The following DGKH variants were observed in gnomAD, a reference collection of about 807,000 sequenced individuals.
DGKH encodes the protein DAG kinase eta.
In DGKH, 90 loss-of-function variants were observed where a neutral mutation model predicts 159.3. The observed-to-expected ratio is 0.57, with a 90% CI of 0.48 to 0.67. The LOEUF (loss-of-function observed/expected upper bound fraction) is 0.67, where lower values mean the gene tolerates loss of function less well. DGKH is among the 30% of genes least tolerant of loss of function. The probability of loss-of-function intolerance (pLI) is 0.00; values close to 1 mark genes in which losing one functional copy is unlikely to be tolerated. For missense variants in DGKH, 1,181 were observed against 1,506.1 expected (o/e 0.78, Z 3.57); for synonymous variants, 536 against 553.8 (o/e 0.97, Z 0.45).
At chr13:42,180,384 C>T (rs1301545505) in intron 13 of DGKH, among the ~76,000 whole-genome samples, 3 of 152,172 alleles carry the variant, frequency 2.0e-5, no homozygotes, top group East Asian at 1.9e-4. Flanking sequence ...TTCCATTCAG[C>T]GTTTTTTCTA....
intron 1 of DGKH, among the ~76,000 whole-genome samples, chr13:42,094,368 C>T (rs1954480598): frequency 6.6e-6 from 1 of 152,178 alleles, no homozygotes; most frequent in African/African-American, 2.4e-5. Flanking sequence ...AACTTTGACT[C>T]AAACTTGTTA....
At chr13:42,192,858 C>T (rs1198812331) in intron 16 of DGKH, among the ~76,000 whole-genome samples, 1 of 152,074 alleles carries the variant, frequency 6.6e-6, no homozygotes, top group Admixed American at 6.5e-5. Flanking sequence ...ATGTGATGCA[C>T]CATTTTAAAC....
intron 5 of DGKH, 58 bp from the exon 6 acceptor site, chr13:42,159,208 G>A (rs1956114149): frequency 1.1e-6 from 1 of 879,232 alleles, no homozygotes; most frequent in African/African-American, 2.0e-5. Flanking sequence ...TTTAATCATT[G>A]GTCCAAAATT....
intron 1 of DGKH, among the ~76,000 whole-genome samples, chr13:42,074,744 T>TA (rs1883195165): frequency 1.3e-5 from 2 of 152,134 alleles, no homozygotes; most frequent in African/African-American, 2.4e-5. Context: ...GTGCTGGACT[T>TA]ACAAAGACTA....
intron 1 of DGKH, among the ~76,000 whole-genome samples, chr13:42,110,752 G>T (rs1378637391): frequency 1.3e-5 from 2 of 148,964 alleles, no homozygotes; most frequent in African/African-American, 2.5e-5. Context: ...TAGCACCACT[G>T]CCACCTTGTG....
intron 1 of DGKH, chr13:42,070,598 C>G (rs1882898353): frequency 6.2e-7 from 1 of 1,602,662 alleles, no homozygotes; most frequent in African/African-American, 1.3e-5. Flanking sequence ...ATCTTCAGCA[C>G]CAAGTCTTCA....
chr13:42,178,321 A>G lies in DGKH; in HGVS notation c.1538+101A>G, dbSNP rs74406236. Reference sequence around the variant, plus strand: ...TTTGTGAGTTTTCTTCTCAAAAAATATCTTGGAAGTAGCTTATAAAATTAG... The same window carrying G: ...TTTGTGAGTTTTCTTCTCAAAAAATGTCTTGGAAGTAGCTTATAAAATTAG... On this transcript the variant is annotated intron_variant, in intron 13 of 29. Coordinates refer to ENST00000337343, the MANE Select transcript of DGKH (RefSeq NM_178009.5). 4.3e-3 allele frequency: 3,718 copies of G among 866,082 alleles called. 80 individuals are homozygous for G. The African/African-American group carries it at 0.049, about 12-fold the overall frequency. 53.6% of individuals were successfully genotyped at this position (866,082 alleles called of 1,614,324 possible). A position where few individuals can be genotyped will look rare whatever the true frequency, so the allele number is the denominator to read the frequency against.
intron 20 of DGKH, among the ~76,000 whole-genome samples, chr13:42,204,686 C>T (rs779539298): frequency 1.2e-4 from 18 of 152,200 alleles, no homozygotes; most frequent in Non-Finnish European, 1.6e-4. Flanking sequence ...AAGTCCCTTA[C>T]GGGTTGGTCT....
At chr13:42,043,127 C>T (rs1880611111) in intron 1 of DGKH, among the ~76,000 whole-genome samples, 1 of 152,054 alleles carries the variant, frequency 6.6e-6, no homozygotes, top group Non-Finnish European at 1.5e-5. Flanking sequence ...AAGCTATGGA[C>T]CCTTTTTCCC....
intron 1 of DGKH, among the ~76,000 whole-genome samples, chr13:42,078,245 T>C (rs977678205): frequency 6.6e-6 from 1 of 152,164 alleles, no homozygotes; most frequent in African/African-American, 2.4e-5. Context: ...CTTAAAAAAT[T>C]CCTGAGAGGT....
At chr13:42,211,358 C>T (rs762545410) in intron 24 of DGKH, among the ~76,000 whole-genome samples, 15 of 152,108 alleles carry the variant, frequency 9.9e-5, no homozygotes, top group Non-Finnish European at 2.1e-4. Flanking sequence ...AGTCCATTTT[C>T]ATATGGCTAT....
In DGKH at chr13:42,238,540, A is replaced by G. The variant is rs112191987; in HGVS notation, c.*9352A>G. 1.3e-5 allele frequency: 2 copies of G among 152,152 alleles called. No homozygotes were observed. Among genetic ancestry groups the G allele is most frequent in the African/African-American group, 4.8e-5 (2 of 41,436 alleles). The allele number at this position is 152,152 out of a possible 1,614,324, so 9.4% of individuals were successfully genotyped here. ...TTAGTTTAACTCCCCAAAGAGGAAA[A>G]TGTCTCTTTAAACCAGTAGTTAAAA... On this transcript the variant is annotated 3_prime_UTR_variant, in exon 30 of 30. Coordinates refer to ENST00000337343, the MANE Select transcript of DGKH (RefSeq NM_178009.5).
chr13:42,126,261 TG>T (rs1310640207), intron 1 of DGKH, among the ~76,000 whole-genome samples: 1 of 152,044 alleles, frequency 6.6e-6, no homozygotes, highest in Non-Finnish European at 1.5e-5. Flanking sequence ...AAGTACTTCG[TG>T]GGGTGGGTAA....
intron 29 of DGKH, 30 bp from the exon 30 acceptor site, chr13:42,229,069 T>C (rs1958222504): frequency 6.4e-7 from 1 of 1,565,498 alleles, no homozygotes; most frequent in Non-Finnish European, 8.7e-7. Flanking sequence ...TTTTTAATTA[T>C]TTCTACCTTT....
At chr13:42,196,507 TG>T (rs774340179) in intron 17 of DGKH, among the ~76,000 whole-genome samples, 29 of 152,132 alleles carry the variant, frequency 1.9e-4, no homozygotes, top group Non-Finnish European at 3.1e-4. Flanking sequence ...AGAAACACTA[TG>T]GAAAATGAAC....
intron 1 of DGKH, among the ~76,000 whole-genome samples, chr13:42,059,890 T>C (rs1882017751): frequency 1.4e-5 from 2 of 144,566 alleles, no homozygotes; most frequent in African/African-American, 5.0e-5. Context: ...AAAGTTTAAG[T>C]TCTCTCTCTT....
chr13:42,186,644 C>T (rs928054199), intron 13 of DGKH, among the ~76,000 whole-genome samples: 9 of 152,190 alleles, frequency 5.9e-5, no homozygotes, highest in South Asian at 2.1e-4. Context: ...TATGATGAGT[C>T]GTGGCTTGAC....
At chr13:42,187,555 T>G (rs1011627177) in intron 14 of DGKH, among the ~76,000 whole-genome samples, 1 of 152,186 alleles carries the variant, frequency 6.6e-6, no homozygotes, top group African/African-American at 2.4e-5. Context: ...TTTGTATTTC[T>G]AGTAGAGACG....
intron 16 of DGKH, 68 bp downstream of exon 16, chr13:42,190,593 G>T: frequency 6.8e-7 from 1 of 1,468,948 alleles, no homozygotes; most frequent in Non-Finnish European, 9.1e-7. Flanking sequence ...GTTTTCAAAA[G>T]GCTGATCAGT....
Sources: allele counts gnomAD v4.1 joint callset (sites outside exome capture counted in the v4.1 genomes callset), GRCh38; gene constraint gnomAD v4.1.1; transcripts MANE v1.5; gene names NCBI Gene and HGNC (gene_info 2026-07-23, HGNC 2026-07-21).